Variants in UBA6 observed in about 807,000 individuals in gnomAD.
The protein encoded by UBA6 is ubiquitin-like modifier-activating enzyme 6.
Under a neutral mutation model 148.3 loss-of-function variants are expected in UBA6, and 87 were observed. That is an observed-to-expected ratio of 0.59 (90% CI 0.49 to 0.70). The LOEUF (loss-of-function observed/expected upper bound fraction) is 0.70, where lower values mean the gene tolerates loss of function less well. Among genes scored for constraint, UBA6 ranks in the 30% least tolerant of loss-of-function variants. UBA6 has a pLI of 0.00. For missense variants in UBA6, 1,186 were observed against 1,241.2 expected (o/e 0.96, Z 0.67); for synonymous variants, 376 against 401.0 (o/e 0.94, Z 0.75).
At chr4:67,623,701 TGA>T (rs1478621894) in intron 30 of UBA6, among the ~76,000 whole-genome samples, 5 of 152,200 alleles carry the variant, frequency 3.3e-5, no homozygotes, top group African/African-American at 9.6e-5. Flanking sequence ...TAGTAATGTA[TGA>T]GAGTGTCTGC....
chr4:67,667,060 G>T (rs1730017234), intron 9 of UBA6, among the ~76,000 whole-genome samples: 1 of 152,068 alleles, frequency 6.6e-6, no homozygotes, highest in Non-Finnish European at 1.5e-5. Flanking sequence ...CACAAAATGT[G>T]GGTTTTCTTT....
chr4:67,677,571 G>T, intron 6 of UBA6, 40 bp downstream of exon 6: 1 of 1,081,850 alleles, frequency 9.2e-7, no homozygotes, highest in Non-Finnish European at 1.4e-6. Context: ...TTTTGCCCTG[G>T]AACCTGTCAA....
chr4:67,701,155 T>G lies in UBA6; in HGVS notation c.-36A>C. On this transcript the variant is annotated 5_prime_UTR_variant, in exon 1 of 33. Coordinates refer to ENST00000322244, the MANE Select transcript of UBA6 (RefSeq NM_018227.6). ...GACACCGCCGCCGGCTACTGGAAGG[T>G]AGGAAGGGGCGGGACCGTGGGGGGG... 2 of 1,603,412 alleles carry G rather than the reference T, an allele frequency of 1.2e-6. No individual in the cohort carries two copies. The highest frequency in any genetic ancestry group is 1.7e-6 in the Non-Finnish European group (2 of 1,177,550).
At chr4:67,689,535 CTCTA>C (rs1730647005) in intron 2 of UBA6, among the ~76,000 whole-genome samples, 1 of 152,056 alleles carries the variant, frequency 6.6e-6, no homozygotes. Context: ...ATGTTTGTTT[CTCTA>C]TCTAACTTTT....
chr4:67,697,100 G>C (rs776508719), intron 1 of UBA6, among the ~76,000 whole-genome samples: 4 of 152,088 alleles, frequency 2.6e-5, no homozygotes, highest in Non-Finnish European at 5.9e-5. Context: ...CCACCTCCTG[G>C]TTTCAGACGA....
intron 2 of UBA6, among the ~76,000 whole-genome samples, chr4:67,693,086 CTG>C (rs1340626053): frequency 1.3e-5 from 2 of 151,828 alleles, no homozygotes; most frequent in Non-Finnish European, 2.9e-5. Context: ...CATAGTTACA[CTG>C]TGTGTGCCTG....
chr4:67,694,633 G>A (rs1199749098), intron 2 of UBA6, among the ~76,000 whole-genome samples: 1 of 152,042 alleles, frequency 6.6e-6, no homozygotes, highest in Non-Finnish European at 1.5e-5. Flanking sequence ...TCCTGACCTC[G>A]TGATCCACCC....
At chr4:67,637,037 G>A (rs188759749) in intron 19 of UBA6, among the ~76,000 whole-genome samples, 34,210 of 149,680 alleles carry the variant, frequency 0.23, 4,018 homozygotes, top group Middle Eastern at 0.3. Context: ...GCCTCTGCCC[G>A]GCCGCGACCC....
At chr4:67,670,224 G>A (rs925276333) in intron 8 of UBA6, among the ~76,000 whole-genome samples, 7 of 152,144 alleles carry the variant, frequency 4.6e-5, no homozygotes, top group African/African-American at 1.7e-4. Context: ...GATTGTAGGC[G>A]TGAGCCACCA....
At chr4:67,638,203 T>C (rs1349960002) in intron 19 of UBA6, 1 of 152,380 alleles carries the variant, frequency 6.6e-6, no homozygotes, top group East Asian at 1.9e-4. Context: ...AGCATGAGCT[T>C]GCCTGGTAGA....
At chr4:67,666,843 T>A (rs1340908978) in intron 9 of UBA6, among the ~76,000 whole-genome samples, 1 of 151,954 alleles carries the variant, frequency 6.6e-6, no homozygotes, top group Non-Finnish European at 1.5e-5. Context: ...TCGCTGCACT[T>A]CAGCCTGGGC....
chr4:67,678,598 TACTG>T (rs1730347751), intron 4 of UBA6, 65 bp from the exon 5 acceptor site: 2 of 796,466 alleles, frequency 2.5e-6, no homozygotes, highest in Non-Finnish European at 4.1e-6. Context: ...TCTCCAGTAT[TACTG>T]ACAATGTACT....
chr4:67,685,014 A>ACTCTTAAC (rs1730524814), intron 2 of UBA6, among the ~76,000 whole-genome samples: 1 of 152,200 alleles, frequency 6.6e-6, no homozygotes, highest in South Asian at 2.1e-4. Flanking sequence ...CTTAGCATCC[A>ACTCTTAAC]TACTCTTAAC....
chr4:67,698,372 G>A (rs1335049269), intron 1 of UBA6, among the ~76,000 whole-genome samples: 8 of 152,122 alleles, frequency 5.3e-5, no homozygotes, highest in African/African-American at 9.7e-5. Flanking sequence ...ACCTAAAACA[G>A]TACCAGGCAT....
At position 67,616,191 on chromosome 4, in the gene UBA6, A is replaced by G. The variant is rs1018437079; in HGVS notation, c.*2806T>C. The G allele has an allele frequency of 2.5e-5, 10 of 396,290 alleles. No individual in the cohort carries two copies. Among genetic ancestry groups the G allele is most frequent in the Non-Finnish European group, 3.6e-5 (8 of 224,780 alleles). The allele number at this position is 396,290 out of a possible 1,614,324, so 24.5% of individuals were successfully genotyped here. ...TTTTTTCAGAGAAAGCATTCAGATT[A>G]TATGTTTTTGAATCTATGAAAAGTA... On this transcript the variant is annotated 3_prime_UTR_variant, in exon 33 of 33. Coordinates refer to ENST00000322244, the MANE Select transcript of UBA6 (RefSeq NM_018227.6).
intron 9 of UBA6, among the ~76,000 whole-genome samples, chr4:67,667,849 TA>T (rs1439942202): frequency 6.6e-6 from 1 of 152,060 alleles, no homozygotes; most frequent in Non-Finnish European, 1.5e-5. Flanking sequence ...ATTAGTCCAG[TA>T]AAAAAACAGA....
intron 13 of UBA6, among the ~76,000 whole-genome samples, chr4:67,651,842 C>T (rs1217361280): frequency 6.6e-6 from 1 of 151,982 alleles, no homozygotes; most frequent in Non-Finnish European, 1.5e-5. Context: ...AAAGAATAGC[C>T]TTTTCAACAA....
At chr4:67,633,243 C>A (rs1319106436) in intron 23 of UBA6, 102 bp downstream of exon 23, 46 of 1,072,104 alleles carry the variant, frequency 4.3e-5, no homozygotes, top group Non-Finnish European at 5.4e-5. Context: ...GAAAAGCTTG[C>A]CAAAAGAAAG....
intron 2 of UBA6, among the ~76,000 whole-genome samples, chr4:67,689,659 T>G (rs1253067779): frequency 6.6e-6 from 1 of 152,150 alleles, no homozygotes; most frequent in Non-Finnish European, 1.5e-5. Flanking sequence ...TGGTTTTTGC[T>G]TAAGGATGGA....
Sources: allele counts gnomAD v4.1 joint callset (sites outside exome capture counted in the v4.1 genomes callset), GRCh38; gene constraint gnomAD v4.1.1; transcripts MANE v1.5; gene names NCBI Gene and HGNC (gene_info 2026-07-23, HGNC 2026-07-21).